SMIM41: variants seen among roughly 807,000 people sequenced by gnomAD.
The protein encoded by SMIM41 is small integral membrane protein 41.
At chr12:52,084,615 A>C (rs1436878773) in intron 2 of SMIM41, 1 of 152,446 alleles carries the variant, frequency 6.6e-6, no homozygotes, top group African/African-American at 2.4e-5. Context: ...TGGCAAGAAG[A>C]GGGCAAGAGC....
intron 2 of SMIM41, among the ~76,000 whole-genome samples, chr12:52,106,716 G>A (rs1216326213): frequency 6.6e-6 from 1 of 152,132 alleles, no homozygotes; most frequent in Non-Finnish European, 1.5e-5. Context: ...TTTAAAACAA[G>A]ACCCACCGAT....
At chr12:52,087,272 C>G (rs112447058) in intron 2 of SMIM41, among the ~76,000 whole-genome samples, 1 of 152,252 alleles carries the variant, frequency 6.6e-6, no homozygotes, top group Non-Finnish European at 1.5e-5. Context: ...CTGGCTGTCA[C>G]GTCCAAGCAT....
At chr12:52,097,744 C>G (rs1174664219) in intron 2 of SMIM41, among the ~76,000 whole-genome samples, 1 of 151,948 alleles carries the variant, frequency 6.6e-6, no homozygotes. Context: ...AAGAACAATA[C>G]CAAAGCGGGG....
intron 2 of SMIM41, among the ~76,000 whole-genome samples, chr12:52,089,917 G>A (rs534983476): frequency 7.9e-5 from 12 of 152,202 alleles, no homozygotes; most frequent in Admixed American, 2.0e-4. Flanking sequence ...AGTACTCAGG[G>A]TTAGAACTTT....
chr12:52,104,871 C>T (rs1381342188), intron 2 of SMIM41, among the ~76,000 whole-genome samples: 1 of 152,184 alleles, frequency 6.6e-6, no homozygotes, highest in Non-Finnish European at 1.5e-5. Context: ...TGAACCCTTA[C>T]TGAGGGCTTC....
intron 2 of SMIM41, among the ~76,000 whole-genome samples, chr12:52,086,952 G>A (rs1167700229): frequency 6.6e-6 from 1 of 152,138 alleles, no homozygotes; most frequent in African/African-American, 2.4e-5. Context: ...TTTTACCCAG[G>A]CTGCTGGGTG....
chr12:52,081,101 G>A lies in SMIM41; in HGVS notation c.*120+920G>A, dbSNP rs1231931589. Reference sequence around the variant, plus strand: ...CTGGAGGGAAGGGCCTGGATGGCCTGAGGACAAGGTAACTACAGGCGAAAG... The same window carrying A: ...CTGGAGGGAAGGGCCTGGATGGCCTAAGGACAAGGTAACTACAGGCGAAAG... On this transcript the variant is annotated intron_variant, in intron 1 of 2. Coordinates refer to ENST00000546390, the MANE Select transcript of SMIM41 (RefSeq NM_001369216.1). The surrounding 1 kb of genome is among the most constrained non-coding windows in gnomAD (Gnocchi z 4.1). Among the ~76,000 whole-genome samples the A allele has an allele frequency of 2.0e-5, 3 of 152,178 alleles. No homozygotes were observed. The highest frequency in any genetic ancestry group is 1.3e-4 in the Admixed American group (2 of 15,290).
At chr12:52,080,407 T>C (rs1430618553) in intron 1 of SMIM41, among the ~76,000 whole-genome samples, 2 of 152,170 alleles carry the variant, frequency 1.3e-5, no homozygotes, top group Non-Finnish European at 2.9e-5. Flanking sequence ...TTGTGTCTCC[T>C]GCAGCTCTGG....
At chr12:52,085,279 G>A (rs975349602) in intron 2 of SMIM41, among the ~76,000 whole-genome samples, 1 of 152,140 alleles carries the variant, frequency 6.6e-6, no homozygotes, top group African/African-American at 2.4e-5. Flanking sequence ...TCTGGCAGTA[G>A]AGCCTGGTGG....
chr12:52,103,367 A>AAAC (rs1353304526), intron 2 of SMIM41, among the ~76,000 whole-genome samples: 1 of 151,800 alleles, frequency 6.6e-6, no homozygotes, highest in African/African-American at 2.4e-5. Context: ...CAAAAAAAAA[A>AAAC]AAAAACCAAA....
chr12:52,106,583 CT>C (rs1255251078), intron 2 of SMIM41, among the ~76,000 whole-genome samples: 1 of 152,158 alleles, frequency 6.6e-6, no homozygotes, highest in African/African-American at 2.4e-5. Flanking sequence ...ACCTCGTGAT[CT>C]GCCCTCCTCG....
chr12:52,102,892 A>T (rs1443553204), intron 2 of SMIM41, among the ~76,000 whole-genome samples: 5 of 152,226 alleles, frequency 3.3e-5, no homozygotes, highest in Non-Finnish European at 7.3e-5. Flanking sequence ...GGAGTGGAAG[A>T]GATATTTGTA....
In SMIM41 at chr12:52,106,353, G is replaced by A. The variant is rs185531968; in HGVS notation, c.*196-1026G>A. On this transcript the variant is annotated intron_variant, in intron 2 of 2. Coordinates refer to ENST00000546390, the MANE Select transcript of SMIM41 (RefSeq NM_001369216.1). ...ACTTACGTGATTCTTTTTGTTTTTT[G>A]TTTTTTGAGACGGAGTTTTGCTCTT... Among the ~76,000 whole-genome samples, 660 of 152,130 alleles carry A rather than the reference G, an allele frequency of 4.3e-3. 3 individuals carry two copies. The highest frequency in any genetic ancestry group is 0.015 in the African/African-American group (611 of 41,526).
At position 52,107,526 on chromosome 12, in the gene SMIM41, C is replaced by G. The variant is rs1250931939; in HGVS notation, c.*343C>G. ...CTCCATGTACTTCTTCCTCTCCAAC[C>G]TGTCCTTGCCTGACATCGGTTTCAC... is the stretch of plus-strand genomic sequence containing the variant. On this transcript the variant is annotated 3_prime_UTR_variant, in exon 3 of 3. Transcript: ENST00000546390. The G allele has an allele frequency of 5.1e-6, 5 of 971,364 alleles. No individual in the cohort carries two copies. In the East Asian group the frequency reaches 1.7e-4, roughly 32 times the overall value. The allele number at this position is 971,364 out of a possible 1,614,324, so 60.2% of individuals were successfully genotyped here. A position where few individuals can be genotyped will look rare whatever the true frequency, so the allele number is the denominator to read the frequency against.
chr12:52,090,173 C>T (rs760725731), intron 2 of SMIM41, among the ~76,000 whole-genome samples: 1 of 152,066 alleles, frequency 6.6e-6, no homozygotes, highest in Non-Finnish European at 1.5e-5. Context: ...CGGGTTCAAG[C>T]GATTCTCCTG....
intron 1 of SMIM41, among the ~76,000 whole-genome samples, chr12:52,083,483 G>A (rs1939847389): frequency 1.3e-5 from 2 of 152,134 alleles, no homozygotes; most frequent in African/African-American, 4.8e-5. Context: ...CTGTCCCCTG[G>A]CCTCTCCTCA....
At chr12:52,083,551 T>TG (rs1330351684) in intron 1 of SMIM41, among the ~76,000 whole-genome samples, 4 of 152,098 alleles carry the variant, frequency 2.6e-5, no homozygotes, top group African/African-American at 9.7e-5. Context: ...GGGTGTGAAG[T>TG]GGGGGCAGAA....
intron 2 of SMIM41, among the ~76,000 whole-genome samples, chr12:52,088,438 C>T (rs953265180): frequency 6.6e-6 from 1 of 152,158 alleles, no homozygotes; most frequent in Non-Finnish European, 1.5e-5. Context: ...CACCAAGAGG[C>T]TAGTGCGGAT....
intron 1 of SMIM41, among the ~76,000 whole-genome samples, chr12:52,080,710 C>G (rs1939806511): frequency 6.6e-6 from 1 of 152,186 alleles, no homozygotes. Flanking sequence ...TTCCTGAAGG[C>G]TTTTCCCTGG....
Sources: allele counts gnomAD v4.1 joint callset (sites outside exome capture counted in the v4.1 genomes callset), GRCh38; gene constraint gnomAD v4.1.1; non-coding constraint Gnocchi (gnomAD v3.1); transcripts MANE v1.5; gene names NCBI Gene and HGNC (gene_info 2026-07-23, HGNC 2026-07-21).